Variants in DNAJC24 observed in about 807,000 individuals in gnomAD.
DNAJC24 encodes the protein DnaJ heat shock protein family (Hsp40) member C24, also known as dnaJ homolog subfamily C member 24.
DNAJC24 carries 17 observed loss-of-function variants against 18.0 expected under a neutral mutation model. That is an observed-to-expected ratio of 0.94 (90% CI 0.65 to 1.42). The LOEUF (loss-of-function observed/expected upper bound fraction) is 1.42, where lower values mean the gene tolerates loss of function less well. DNAJC24 is among the 40% of genes most tolerant of loss of function. The pLI, the probability that DNAJC24 is intolerant of heterozygous loss-of-function variation, is 0.00. For missense variants in DNAJC24, 158 were observed against 175.6 expected, an observed-to-expected ratio of 0.90 and a Z score of 0.57; for synonymous variants, 55 against 57.7, an observed-to-expected ratio of 0.95 and a Z score of 0.21.
In DNAJC24 at chr11:31,388,152, T is replaced by C. The variant is rs967720555; in HGVS notation, c.111+17293T>C. On this transcript the variant is annotated intron_variant, in intron 2 of 4. Coordinates refer to ENST00000465995, the MANE Select transcript of DNAJC24 (RefSeq NM_181706.5). ...CTCAGTAGGGCAAATCTAAGAGTTA[T>C]TAAACTTAAAGTGGAGGTAGAGAGA... 3.3e-5 allele frequency among the ~76,000 whole-genome samples: 5 copies of C among 152,088 alleles called. No homozygotes were observed. The South Asian group carries it at 6.2e-4, about 19-fold the overall frequency.
chr11:31,407,055 G>C (rs1206210756), intron 2 of DNAJC24, among the ~76,000 whole-genome samples: 1 of 152,040 alleles, frequency 6.6e-6, no homozygotes, highest in East Asian at 1.9e-4. Context: ...TCAAAATTTG[G>C]TTCTAGAATT....
intron 2 of DNAJC24, among the ~76,000 whole-genome samples, chr11:31,379,191 C>T (rs1432746666): frequency 1.3e-5 from 2 of 152,160 alleles, no homozygotes; most frequent in Non-Finnish European, 2.9e-5. Flanking sequence ...AGGAACCAGG[C>T]CATGCAGCAG....
chr11:31,374,463 G>A (rs1952293797), intron 2 of DNAJC24, among the ~76,000 whole-genome samples: 1 of 133,844 alleles, frequency 7.5e-6, no homozygotes, highest in African/African-American at 2.5e-5. Flanking sequence ...TTATCATGAA[G>A]CATTATTATA....
chr11:31,376,552 G>C (rs1952316909), intron 2 of DNAJC24, among the ~76,000 whole-genome samples: 1 of 152,110 alleles, frequency 6.6e-6, no homozygotes, highest in Admixed American at 6.5e-5. Context: ...TGTAAGATAG[G>C]CTTTGTTACC....
At chr11:31,392,114 G>T (rs978352726) in intron 2 of DNAJC24, among the ~76,000 whole-genome samples, 1 of 152,146 alleles carries the variant, frequency 6.6e-6, no homozygotes, top group African/African-American at 2.4e-5. Context: ...GTAGATAGGT[G>T]GGGGAGAGGG....
intron 2 of DNAJC24, chr11:31,384,888 A>G (rs1952412874): frequency 6.6e-6 from 1 of 152,228 alleles, no homozygotes; most frequent in Non-Finnish European, 1.5e-5. Flanking sequence ...TAGATACTTA[A>G]AGGAAAGTAT....
chr11:31,379,555 G>C (rs1952354846), intron 2 of DNAJC24, among the ~76,000 whole-genome samples: 1 of 152,136 alleles, frequency 6.6e-6, no homozygotes, highest in Non-Finnish European at 1.5e-5. Context: ...AGATTGGTTT[G>C]TTGACTCATA....
intron 2 of DNAJC24, among the ~76,000 whole-genome samples, chr11:31,392,992 T>A (rs933111643): frequency 1.6e-4 from 24 of 152,224 alleles, no homozygotes; most frequent in Non-Finnish European, 4.4e-5. Flanking sequence ...AAGCCATCTA[T>A]GAAGCAGGCC....
chr11:31,377,012 G>A (rs554701345), intron 2 of DNAJC24, among the ~76,000 whole-genome samples: 5 of 152,140 alleles, frequency 3.3e-5, no homozygotes, highest in African/African-American at 9.6e-5. Flanking sequence ...TTTAAAGTTC[G>A]TATTCTTGTT....
intron 2 of DNAJC24, among the ~76,000 whole-genome samples, chr11:31,377,066 CAAT>C (rs1469323289): frequency 2.6e-5 from 4 of 152,090 alleles, no homozygotes; most frequent in African/African-American, 7.2e-5. Flanking sequence ...TGTTTTTCAA[CAAT>C]GTCACAAAAC....
At position 31,372,245 on chromosome 11, in the gene DNAJC24, C is replaced by T. The variant is rs972735936; in HGVS notation, c.111+1386C>T. On this transcript the variant is annotated intron_variant, in intron 2 of 4. Transcript: ENST00000465995. ...ATGTCTGTAATTCTATACCGACGTC[C>T]GGTTAACTCAGTTTATAAAGAGTAA... Among the ~76,000 whole-genome samples, 23 of 83,406 alleles carry T rather than the reference C, an allele frequency of 2.8e-4. 7 individuals carry two copies. Among genetic ancestry groups the T allele is most frequent in the Non-Finnish European group, 5.7e-4 (16 of 28,312 alleles). 54.7% of individuals were successfully genotyped at this position (83,406 alleles called of 152,430 possible).
At chr11:31,400,279 T>C (rs756531306) in intron 2 of DNAJC24, among the ~76,000 whole-genome samples, 4 of 152,180 alleles carry the variant, frequency 2.6e-5, no homozygotes, top group Non-Finnish European at 5.9e-5. Context: ...TACCCAGTAA[T>C]GGGATTGCTG....
intron 2 of DNAJC24, among the ~76,000 whole-genome samples, chr11:31,394,140 T>G (rs755187294): frequency 2.6e-5 from 4 of 152,184 alleles, no homozygotes; most frequent in Non-Finnish European, 5.9e-5. Flanking sequence ...GGATTCTTGC[T>G]CTTAGGAACA....
chr11:31,402,964 T>C (rs1485310305), intron 2 of DNAJC24, among the ~76,000 whole-genome samples: 2 of 152,248 alleles, frequency 1.3e-5, no homozygotes, highest in Non-Finnish European at 2.9e-5. Flanking sequence ...CTATTGTATA[T>C]GCAGTTTGTC....
chr11:31,414,770 T>G (rs376332280), intron 2 of DNAJC24, 41 bp from the exon 3 acceptor site: 52 of 1,571,610 alleles, frequency 3.3e-5, no homozygotes, highest in Non-Finnish European at 4.3e-5. Context: ...CCCACTCAGC[T>G]CTCTCTACTC....
intron 2 of DNAJC24, among the ~76,000 whole-genome samples, chr11:31,402,529 G>T (rs1418507513): frequency 6.6e-6 from 1 of 152,108 alleles, no homozygotes; most frequent in Non-Finnish European, 1.5e-5. Flanking sequence ...AAATTATAGA[G>T]ACAGGGTCTT....
chr11:31,422,205 T>C (rs1952812887), intron 3 of DNAJC24: 1 of 180,552 alleles, frequency 5.5e-6, no homozygotes, highest in Non-Finnish European at 1.2e-5. Context: ...CTGACTTCTT[T>C]ATGTAAATAG....
intron 2 of DNAJC24, among the ~76,000 whole-genome samples, chr11:31,413,771 T>C (rs1027792810): frequency 4.4e-4 from 67 of 151,940 alleles, no homozygotes; most frequent in African/African-American, 1.5e-3. Context: ...AGGCTGGGAG[T>C]TCCTTATTTA....
At position 31,375,155 on chromosome 11, in the gene DNAJC24, G is replaced by T. The variant is rs1349199278; in HGVS notation, c.111+4296G>T. Among the ~76,000 whole-genome samples, 8 of 134,406 alleles carry T rather than the reference G, an allele frequency of 6.0e-5. 1 individual carries two copies. Among genetic ancestry groups the T allele is most frequent in the African/African-American group, 2.0e-4 (8 of 40,182 alleles). 88.2% of individuals were successfully genotyped at this position (134,406 alleles called of 152,430 possible). A position where few individuals can be genotyped will look rare whatever the true frequency, so the allele number is the denominator to read the frequency against. ...GATTGTGTCACTGCACGCCAGCCTG[G>T]GCGACAGAGCAAGACCCTCTCTCTA... On this transcript the variant is annotated intron_variant, in intron 2 of 4. Transcript: ENST00000465995.
Sources: gnomAD v4.1 joint callset for allele counts (sites outside exome capture counted in the v4.1 genomes callset) on GRCh38, gnomAD v4.1.1 for gene constraint, MANE v1.5 for transcripts, NCBI Gene and HGNC (gene_info 2026-07-23, HGNC 2026-07-21) for gene names.